Variants in ADAMTS19 observed in about 807,000 individuals in gnomAD.
The protein encoded by ADAMTS19 is A disintegrin and metalloproteinase with thrombospondin motifs 19.
ADAMTS19 carries 93 observed loss-of-function variants against 153.3 expected under a neutral mutation model. The ratio of observed to expected loss-of-function variants is 0.61; its 90% confidence interval spans 0.51 to 0.72. ADAMTS19 has a LOEUF of 0.72. Ranked by LOEUF, ADAMTS19 falls within the 30% of genes least tolerant of loss-of-function variation. The pLI, the probability that ADAMTS19 is intolerant of heterozygous loss-of-function variation, is 0.00. For synonymous variants in ADAMTS19, 600 were observed against 556.6 expected, an observed-to-expected ratio of 1.08 and a Z score of -1.10; for missense variants, 1,482 against 1,552.1, an observed-to-expected ratio of 0.95 and a Z score of 0.76.
intron 2 of ADAMTS19, among the ~76,000 whole-genome samples, chr5:129,463,087 T>C (rs1296238463): frequency 6.6e-6 from 1 of 152,248 alleles, no homozygotes; most frequent in South Asian, 2.1e-4. Context: ...GAGAAGCTTT[T>C]ATTAAAAGGT....
intron 16 of ADAMTS19, among the ~76,000 whole-genome samples, chr5:129,675,022 A>G (rs1378200923): frequency 6.6e-6 from 1 of 152,138 alleles, no homozygotes; most frequent in African/African-American, 2.4e-5. Context: ...TGGATATAGA[A>G]TTCGAGATTT....
intron 21 of ADAMTS19, among the ~76,000 whole-genome samples, chr5:129,708,957 A>T (rs879116413): frequency 2.0e-5 from 3 of 152,120 alleles, no homozygotes; most frequent in Non-Finnish European, 4.4e-5. Context: ...TGGATGATTT[A>T]GTTATACAGC....
intron 7 of ADAMTS19, among the ~76,000 whole-genome samples, chr5:129,580,954 A>T (rs1196738728): frequency 1.3e-5 from 2 of 152,178 alleles, no homozygotes; most frequent in African/African-American, 4.8e-5. Context: ...TCATAAAATG[A>T]GTTAGGGAGG....
Position 129,735,019 on chromosome 5 carries a change from T to C in ADAMTS19, c.3400T>C (p.Ser1134Pro), listed in dbSNP as rs1206127689. 6.2e-7 allele frequency: 1 copy of C among 1,612,196 alleles called. No individual in the cohort carries two copies. Among genetic ancestry groups the C allele is most frequent in the Admixed American group, 1.7e-5 (1 of 59,774 alleles). The change falls in exon 22 of 23, where the codon TCC (serine) becomes CCC (proline). Residue 1134 changes from serine (S) to proline (P), a missense_variant. Transcript: ENST00000274487. The stretch of plus-strand genomic sequence containing the variant: ...AGGAAGACATGGAAATGAATGTTTT[T>C]CCTCAGAAAAACCTGCAGCATACAG... ...ITGRHGNECFSSEKPAAYRPC... is the reference protein window; with the variant it reads ...ITGRHGNECFPSEKPAAYRPC...
chr5:129,720,027 G>T (rs189623754), intron 21 of ADAMTS19, among the ~76,000 whole-genome samples: 1 of 151,904 alleles, frequency 6.6e-6, no homozygotes, highest in African/African-American at 2.4e-5. Context: ...AACAGACGGA[G>T]ACTTCATCTT....
chr5:129,493,430 T>C (rs1248375671), intron 2 of ADAMTS19, among the ~76,000 whole-genome samples: 1 of 123,948 alleles, frequency 8.1e-6, no homozygotes, highest in Admixed American at 8.0e-5. Flanking sequence ...GTATACCAAA[T>C]GTTTTCTCAA....
At chr5:129,582,085 G>C (rs568466955) in intron 7 of ADAMTS19, among the ~76,000 whole-genome samples, 2 of 151,590 alleles carry the variant, frequency 1.3e-5, no homozygotes, top group South Asian at 4.2e-4. Context: ...GTTGATTTTG[G>C]ATGTAGAGTT....
chr5:129,512,856 G>A (rs1156544226), intron 3 of ADAMTS19, among the ~76,000 whole-genome samples: 1 of 151,938 alleles, frequency 6.6e-6, no homozygotes, highest in Non-Finnish European at 1.5e-5. Context: ...CTATGGGAAT[G>A]TCTTCTTCCA....
chr5:129,493,819 G>C (rs1451571053), intron 2 of ADAMTS19, among the ~76,000 whole-genome samples: 1 of 152,126 alleles, frequency 6.6e-6, no homozygotes, highest in African/African-American at 2.4e-5. Context: ...AAGGATACTA[G>C]AGAAGTTCTA....
intron 10 of ADAMTS19, among the ~76,000 whole-genome samples, chr5:129,641,348 T>A (rs1752778762): frequency 6.6e-6 from 1 of 152,194 alleles, no homozygotes; most frequent in Non-Finnish European, 1.5e-5. Context: ...GATAACAATT[T>A]ACAGAAACAT....
At chr5:129,617,613 A>G (rs1751591678) in intron 8 of ADAMTS19, among the ~76,000 whole-genome samples, 1 of 152,074 alleles carries the variant, frequency 6.6e-6, no homozygotes, top group Non-Finnish European at 1.5e-5. Context: ...TTGTTAATTA[A>G]CAGGTCACCC....
chr5:129,652,185 T>C (rs1485614209), intron 13 of ADAMTS19, among the ~76,000 whole-genome samples: 1 of 152,190 alleles, frequency 6.6e-6, no homozygotes, highest in East Asian at 1.9e-4. Context: ...TTTGTGATGA[T>C]TTTGCAACAC....
intron 16 of ADAMTS19, among the ~76,000 whole-genome samples, chr5:129,672,392 G>GT (rs1754341293): frequency 6.6e-6 from 1 of 152,116 alleles, no homozygotes; most frequent in African/African-American, 2.4e-5. Context: ...TAAAAACAAA[G>GT]TGGGAACAGG....
chr5:129,638,262 T>C (rs1752621044), intron 10 of ADAMTS19, among the ~76,000 whole-genome samples: 1 of 152,234 alleles, frequency 6.6e-6, no homozygotes, highest in Non-Finnish European at 1.5e-5. Flanking sequence ...TTAACTATTC[T>C]GTGATTATAG....
chr5:129,643,897 C>T (rs570667142), intron 11 of ADAMTS19, among the ~76,000 whole-genome samples: 1 of 152,170 alleles, frequency 6.6e-6, no homozygotes, highest in Non-Finnish European at 1.5e-5. Context: ...TCATTTTTAT[C>T]ATCCCTGAAA....
chr5:129,700,158 C>A (rs531588900), intron 19 of ADAMTS19, among the ~76,000 whole-genome samples: 6 of 152,294 alleles, frequency 3.9e-5, no homozygotes, highest in African/African-American at 1.4e-4. Flanking sequence ...GGTTTTAGTT[C>A]TTTCCTAAAG....
intron 7 of ADAMTS19, among the ~76,000 whole-genome samples, chr5:129,592,557 C>T (rs1050015569): frequency 3.9e-5 from 6 of 152,124 alleles, no homozygotes; most frequent in Admixed American, 1.3e-4. Context: ...TTACATTAGT[C>T]GTGGTTACAG....
Position 129,667,062 on chromosome 5 carries a change from C to G in ADAMTS19, c.2506+1483C>G, listed in dbSNP as rs75194227. On this transcript the variant is annotated intron_variant, in intron 16 of 22. Coordinates refer to ENST00000274487, the MANE Select transcript of ADAMTS19 (RefSeq NM_133638.6). Reference sequence around the variant, plus strand: ...CCAATCCAGTCCTGTTTCCTGTCTCCCTCTACAGTAAACGCCTTTTATAAG... The same window carrying G: ...CCAATCCAGTCCTGTTTCCTGTCTCGCTCTACAGTAAACGCCTTTTATAAG... 4.4e-3 allele frequency among the ~76,000 whole-genome samples: 667 copies of G among 152,266 alleles called. 4 individuals carry two copies. Among genetic ancestry groups the G allele is most frequent in the East Asian group, 0.02 (104 of 5,164 alleles).
At chr5:129,485,716 T>C (rs1750566821) in intron 2 of ADAMTS19, among the ~76,000 whole-genome samples, 1 of 152,162 alleles carries the variant, frequency 6.6e-6, no homozygotes, top group Non-Finnish European at 1.5e-5. Flanking sequence ...GGACAAATTC[T>C]TTGAAAAATA....
Sources: gnomAD v4.1 joint callset for allele counts (sites outside exome capture counted in the v4.1 genomes callset) on GRCh38, gnomAD v4.1.1 for gene constraint, MANE v1.5 for transcripts, NCBI Gene and HGNC (gene_info 2026-07-23, HGNC 2026-07-21) for gene names.